Variants in BRINP1 observed in about 807,000 individuals in gnomAD.
BRINP1 encodes the protein BMP/retinoic acid-inducible neural-specific protein 1.
Under a neutral mutation model 72.9 loss-of-function variants are expected in BRINP1, and 17 were observed. That is an observed-to-expected ratio of 0.23 (90% confidence interval 0.16 to 0.35). BRINP1 has a LOEUF of 0.35. BRINP1 is among the 10% of genes least tolerant of loss of function. BRINP1 has a pLI of 1.00. For synonymous variants in BRINP1, 418 were observed against 378.5 expected (o/e 1.10, Z -1.21); for missense variants, 850 against 1,001.6 (o/e 0.85, Z 2.04).
intron 6 of BRINP1, among the ~76,000 whole-genome samples, chr9:119,211,338 C>T (rs1829924769): frequency 6.6e-6 from 1 of 152,154 alleles, no homozygotes; most frequent in Non-Finnish European, 1.5e-5. Flanking sequence ...GCTGGGATTA[C>T]AGGCATGTGC....
chr9:119,169,771 C>T (rs1474802023), intron 7 of BRINP1, among the ~76,000 whole-genome samples: 1 of 152,238 alleles, frequency 6.6e-6, no homozygotes, highest in Non-Finnish European at 1.5e-5. Context: ...TCCCAGCATG[C>T]AGCTGGAGAT....
intron 7 of BRINP1, among the ~76,000 whole-genome samples, chr9:119,172,132 C>T (rs2118823209): frequency 6.6e-6 from 1 of 151,398 alleles, no homozygotes; most frequent in South Asian, 2.1e-4. Context: ...TAACTAAAAT[C>T]AGAGCAGAAC....
At chr9:119,263,798 CG>C (rs1172298273) in intron 2 of BRINP1, among the ~76,000 whole-genome samples, 1 of 151,634 alleles carries the variant, frequency 6.6e-6, no homozygotes, top group South Asian at 2.1e-4. Flanking sequence ...TTAGTAGAGA[CG>C]GGGTTTCACC....
chr9:119,175,635 G>T (rs367998043), intron 7 of BRINP1, among the ~76,000 whole-genome samples: 2 of 152,038 alleles, frequency 1.3e-5, no homozygotes, highest in African/African-American at 2.4e-5. Context: ...CACTATAAAT[G>T]ATACCAAAGT....
intron 5 of BRINP1, among the ~76,000 whole-genome samples, chr9:119,237,169 A>C (rs949848029): frequency 1.3e-5 from 2 of 152,192 alleles, no homozygotes; most frequent in African/African-American, 4.8e-5. Flanking sequence ...CCTTTCTAGA[A>C]GGTCACATTT....
chr9:119,237,196 TA>T (rs1830199955), intron 5 of BRINP1, among the ~76,000 whole-genome samples: 1 of 152,086 alleles, frequency 6.6e-6, no homozygotes, highest in Non-Finnish European at 1.5e-5. Flanking sequence ...TGCTCAAAGT[TA>T]AAGCATGTCA....
chr9:119,258,991 C>A (rs1168745886), intron 2 of BRINP1, among the ~76,000 whole-genome samples: 2 of 152,176 alleles, frequency 1.3e-5, no homozygotes, highest in Non-Finnish European at 2.9e-5. Context: ...ATTCTGGTGT[C>A]CCCATGTGAA....
intron 1 of BRINP1, among the ~76,000 whole-genome samples, chr9:119,340,212 G>A (rs1831392482): frequency 6.6e-6 from 1 of 152,036 alleles, no homozygotes; most frequent in African/African-American, 2.4e-5. Flanking sequence ...ATATAAATCA[G>A]GACAATTAAA....
At position 119,249,225 on chromosome 9, in the gene BRINP1, T is replaced by A. The variant is rs532537718; in HGVS notation, c.219-75A>T. The A allele has an allele frequency of 5.5e-5, 77 of 1,398,246 alleles. No individual in the cohort carries two copies. The South Asian group carries it at 9.8e-4, about 18-fold the overall frequency. The allele number at this position is 1,398,246 out of a possible 1,614,324, so 86.6% of individuals were successfully genotyped here. A position where few individuals can be genotyped will look rare whatever the true frequency, so the allele number is the denominator to read the frequency against. The stretch of plus-strand genomic sequence containing the variant: ...AAGCCAAAGTCCACCCAACCATCCA[T>A]CCAGGCATCTCTCCTTAAGTGGGAA... On this transcript the variant is annotated intron_variant, in intron 2 of 7. Coordinates refer to ENST00000265922, the MANE Select transcript of BRINP1 (RefSeq NM_014618.3).
intron 7 of BRINP1, among the ~76,000 whole-genome samples, chr9:119,169,443 C>A (rs947960004): frequency 3.3e-5 from 5 of 152,332 alleles, no homozygotes; most frequent in African/African-American, 9.6e-5. Flanking sequence ...AACGGCGCAC[C>A]GCGAGATTAT....
chr9:119,328,903 A>T (rs1159162635), intron 1 of BRINP1, among the ~76,000 whole-genome samples: 1 of 152,172 alleles, frequency 6.6e-6, no homozygotes, highest in Non-Finnish European at 1.5e-5. Flanking sequence ...AACCCAAGAG[A>T]AAGTTTTCCA....
intron 1 of BRINP1, among the ~76,000 whole-genome samples, chr9:119,316,018 G>A (rs888560766): frequency 6.6e-6 from 1 of 152,224 alleles, no homozygotes; most frequent in Non-Finnish European, 1.5e-5. Context: ...TGCTGATGGA[G>A]AAGGTGCAGC....
intron 7 of BRINP1, among the ~76,000 whole-genome samples, chr9:119,188,807 CTAAAAG>C (rs746200960): frequency 7.9e-5 from 12 of 151,692 alleles, no homozygotes; most frequent in Non-Finnish European, 1.8e-4. Context: ...AGTACTTCAA[CTAAAAG>C]TAAAAGGATG....
At chr9:119,244,074 C>T (rs539927827) in intron 3 of BRINP1, among the ~76,000 whole-genome samples, 13 of 152,220 alleles carry the variant, frequency 8.5e-5, no homozygotes, top group East Asian at 1.9e-4. Flanking sequence ...GTTTTTCTCC[C>T]GGCTAACTTA....
chr9:119,182,358 A>G (rs1165041624), intron 7 of BRINP1, among the ~76,000 whole-genome samples: 1 of 152,252 alleles, frequency 6.6e-6, no homozygotes, highest in Non-Finnish European at 1.5e-5. Flanking sequence ...AAGATACCAT[A>G]GAATGAAAAG....
In BRINP1 at chr9:119,238,642, A is replaced by G. The variant is rs1564225507; in HGVS notation, c.685+13T>C. 2.5e-6 allele frequency: 4 copies of G among 1,571,314 alleles called. No homozygotes were observed. Among genetic ancestry groups the G allele is most frequent in the African/African-American group, 1.4e-5 (1 of 73,536 alleles). ...TCCCCCAACTGACCCCACTTTTTCC[A>G]CTGGCTTCCTACCTTGAAGGTGCAG... On this transcript the variant is annotated intron_variant, in intron 5 of 7. Coordinates refer to ENST00000265922, the MANE Select transcript of BRINP1 (RefSeq NM_014618.3).
intron 2 of BRINP1, among the ~76,000 whole-genome samples, chr9:119,258,697 T>G (rs1830469096): frequency 6.6e-6 from 1 of 152,184 alleles, no homozygotes; most frequent in Non-Finnish European, 1.5e-5. Flanking sequence ...CACCTTAGAT[T>G]CCGTGTTCTC....
chr9:119,197,386 T>C (rs1320450743), intron 7 of BRINP1, among the ~76,000 whole-genome samples: 1 of 152,198 alleles, frequency 6.6e-6, no homozygotes, highest in East Asian at 1.9e-4. Context: ...AGTAGAACCT[T>C]TTTGATAGGG....
chr9:119,309,116 C>T (rs10739535), intron 2 of BRINP1, among the ~76,000 whole-genome samples: 58,667 of 152,002 alleles, frequency 0.39, 11,972 homozygotes, highest in Non-Finnish European at 0.44. Flanking sequence ...GAGGGAACCA[C>T]CATTCCGACA....
Sources: allele counts gnomAD v4.1 joint callset (sites outside exome capture counted in the v4.1 genomes callset), GRCh38; gene constraint gnomAD v4.1.1; transcripts MANE v1.5; gene names NCBI Gene and HGNC (gene_info 2026-07-23, HGNC 2026-07-21).